LOC122539214: variants seen among roughly 807,000 people sequenced by gnomAD.
At chr19:52,660,772 G>A in the LOC122539214 span, 2 of 213,428 alleles carry the variant, frequency 9.4e-6, no homozygotes, top group African/African-American at 4.7e-5. Flanking sequence ...CTGAGGAAGA[G>A]CCATCCTTGT....
the LOC122539214 span, among the ~76,000 whole-genome samples, chr19:52,665,847 G>A: frequency 6.6e-6 from 1 of 152,058 alleles, no homozygotes; most frequent in African/African-American, 2.4e-5. Flanking sequence ...CCATCTATGA[G>A]GACGCACCCT....
chr19:52,684,969 G>C, the LOC122539214 span, among the ~76,000 whole-genome samples: 66 of 152,296 alleles, frequency 4.3e-4, no homozygotes, highest in African/African-American at 1.5e-3. Flanking sequence ...GCACTGACAT[G>C]ACCTGCTTTA....
chr19:52,654,494 A>C, the LOC122539214 span: 1 of 523,250 alleles, frequency 1.9e-6, no homozygotes, highest in Non-Finnish European at 3.2e-6. Flanking sequence ...CACAAAAAGC[A>C]ATACTTATTT....
At chr19:52,669,081 A>T in the LOC122539214 span, among the ~76,000 whole-genome samples, 421 of 152,290 alleles carry the variant, frequency 2.8e-3, 3 homozygotes, top group Non-Finnish European at 4.0e-3. Context: ...CTCTTTATTC[A>T]TCCCTGAGCA....
At chr19:52,682,753 C>G in the LOC122539214 span, among the ~76,000 whole-genome samples, 1 of 152,122 alleles carries the variant, frequency 6.6e-6, no homozygotes, top group Non-Finnish European at 1.5e-5. Context: ...GCCTATCCTT[C>G]TAGCTCTTTG....
At chr19:52,680,813 C>T in the LOC122539214 span, among the ~76,000 whole-genome samples, 14 of 149,486 alleles carry the variant, frequency 9.4e-5, no homozygotes, top group South Asian at 2.1e-4. Flanking sequence ...GGGGTTTCAC[C>T]GTGTTAGCCA....
At chr19:52,664,857 T>C in the LOC122539214 span, among the ~76,000 whole-genome samples, 3 of 152,036 alleles carry the variant, frequency 2.0e-5, no homozygotes, top group Non-Finnish European at 4.4e-5. Flanking sequence ...GTTTCTGTTT[T>C]CCAGGTTTTG....
the LOC122539214 span, among the ~76,000 whole-genome samples, chr19:52,687,633 G>GTATATATA: frequency 9.0e-4 from 25 of 27,838 alleles, 3 homozygotes; most frequent in East Asian, 2.0e-3. Flanking sequence ...TATATATAAT[G>GTATATATA]TATATATATA....
At chr19:52,687,934 C>T in the LOC122539214 span, among the ~76,000 whole-genome samples, 2 of 151,832 alleles carry the variant, frequency 1.3e-5, no homozygotes, top group Non-Finnish European at 2.9e-5. Flanking sequence ...AAGAGAGTAA[C>T]TTCCAACTCA....
the LOC122539214 span, chr19:52,653,193 C>T: frequency 1.7e-4 from 262 of 1,526,178 alleles, 1 homozygote; most frequent in Middle Eastern, 1.0e-3. Flanking sequence ...CAAGGGATGA[C>T]TTCTGACTGA....
the LOC122539214 span, among the ~76,000 whole-genome samples, chr19:52,686,965 T>C: frequency 6.6e-6 from 1 of 151,962 alleles, no homozygotes; most frequent in South Asian, 2.1e-4. Context: ...GCAGATCACC[T>C]GAGGTCAGGA....
the LOC122539214 span, among the ~76,000 whole-genome samples, chr19:52,679,905 G>A: frequency 6.6e-6 from 1 of 152,164 alleles, no homozygotes; most frequent in Admixed American, 6.5e-5. Flanking sequence ...TGGGGGCTGG[G>A]CACAGTGGCT....
the LOC122539214 span, among the ~76,000 whole-genome samples, chr19:52,676,126 G>A: frequency 6.2e-4 from 94 of 152,292 alleles, no homozygotes; most frequent in Middle Eastern, 3.4e-3. Flanking sequence ...AATTGCAGGC[G>A]CGCGCCGCCA....
At chr19:52,655,121 A>G in the LOC122539214 span, 35 of 156,604 alleles carry the variant, frequency 2.2e-4, no homozygotes, top group African/African-American at 8.4e-4. Flanking sequence ...CAGGAGGCGG[A>G]GGTTGCAATG....
chr19:52,655,902 G>A, the LOC122539214 span, among the ~76,000 whole-genome samples: 5 of 138,676 alleles, frequency 3.6e-5, no homozygotes, highest in Non-Finnish European at 7.7e-5. Flanking sequence ...GGAAGTCTCA[G>A]TTTTATGGAA....
the LOC122539214 span, among the ~76,000 whole-genome samples, chr19:52,686,504 A>AAAG: frequency 1.6e-4 from 3 of 18,670 alleles, no homozygotes; most frequent in Non-Finnish European, 3.4e-4. Context: ...AACCAGAAAG[A>AAAG]AAAAAAAAAA....
the LOC122539214 span, among the ~76,000 whole-genome samples, chr19:52,671,505 A>G: frequency 2.6e-3 from 396 of 152,024 alleles, 2 homozygotes; most frequent in Non-Finnish European, 4.0e-3. Context: ...ATGCAGTGGC[A>G]GGAACACTGC....
the LOC122539214 span, among the ~76,000 whole-genome samples, chr19:52,656,386 G>A: frequency 6.6e-6 from 1 of 152,080 alleles, no homozygotes; most frequent in Non-Finnish European, 1.5e-5. Flanking sequence ...GCTGGGCATG[G>A]TGGGGGAATG....
chr19:52,682,951 A>C, the LOC122539214 span, among the ~76,000 whole-genome samples: 2 of 151,712 alleles, frequency 1.3e-5, no homozygotes, highest in East Asian at 3.9e-4. Context: ...GATTACTGCA[A>C]CCTCCACCTT....
Sources: gnomAD v4.1 joint callset for allele counts (sites outside exome capture counted in the v4.1 genomes callset) on GRCh38, gnomAD v4.1.1 for gene constraint, MANE v1.5 for transcripts.